Variants in GRB2 observed in about 807,000 individuals in gnomAD.
The protein encoded by GRB2 is growth factor receptor bound protein 2, also known as growth factor receptor-bound protein 2.
GRB2 carries 2 observed loss-of-function variants against 27.4 expected under a neutral mutation model. The ratio of observed to expected loss-of-function variants is 0.07; its 90% CI spans 0.03 to 0.23. GRB2 has a LOEUF of 0.23. GRB2 is among the 10% of genes least tolerant of loss of function. The pLI, the probability that GRB2 is intolerant of heterozygous loss-of-function variation, is 1.00. For missense variants in GRB2, 102 were observed against 282.4 expected (o/e 0.36, Z 4.58); for synonymous variants, 94 against 99.6 (o/e 0.94, Z 0.33).
At chr17:75,356,767 C>G (rs572756964) in intron 2 of GRB2, among the ~76,000 whole-genome samples, 1 of 152,280 alleles carries the variant, frequency 6.6e-6, no homozygotes, top group Non-Finnish European at 1.5e-5. Flanking sequence ...CAGGGCAAAA[C>G]AGAAGTGATC....
chr17:75,385,306 G>A (rs1366389530), intron 2 of GRB2, among the ~76,000 whole-genome samples: 3 of 152,200 alleles, frequency 2.0e-5, no homozygotes, highest in South Asian at 2.1e-4. Context: ...GGAGGCTGAG[G>A]CAGGCATATT....
Position 75,393,709 on chromosome 17 carries a change from T to C in GRB2, c.-81A>G. 9.0e-7 allele frequency: 1 copy of C among 1,106,544 alleles called. No individual in the cohort carries two copies. The highest frequency in any genetic ancestry group is 1.5e-5 in the African/African-American group (1 of 65,254). The allele number at this position is 1,106,544 out of a possible 1,614,324, so 68.5% of individuals were successfully genotyped here. On this transcript the variant is annotated 5_prime_UTR_variant, in exon 2 of 6. Coordinates refer to ENST00000316804, the MANE Select transcript of GRB2 (RefSeq NM_002086.5). ...GCTGAAGCAACCCAGCGCTCTGGGC[T>C]TAGCCTCGCCTCTCTTCTGGGACTC... is the stretch of plus-strand genomic sequence containing the variant.
chr17:75,398,575 C>A (rs547332619), intron 1 of GRB2, among the ~76,000 whole-genome samples: 70 of 151,594 alleles, frequency 4.6e-4, no homozygotes, highest in African/African-American at 1.6e-3. Context: ...GACTTTTTAC[C>A]CTACCCGGTG....
At chr17:75,391,601 G>A (rs1187912528) in intron 2 of GRB2, among the ~76,000 whole-genome samples, 1 of 152,134 alleles carries the variant, frequency 6.6e-6, no homozygotes, top group African/African-American at 2.4e-5. Context: ...GAGGTCAGGA[G>A]ATTGAGATCA....
At chr17:75,353,325 T>A (rs1009783865) in intron 2 of GRB2, among the ~76,000 whole-genome samples, 1 of 152,180 alleles carries the variant, frequency 6.6e-6, no homozygotes, top group Non-Finnish European at 1.5e-5. Context: ...CTGTGAATAC[T>A]GTCTTTTTGA....
Position 75,357,663 on chromosome 17 carries a change from G to A in GRB2, c.79-24866C>T, listed in dbSNP as rs535243113. Reference sequence around the variant, plus strand: ...AGGCCAGGAGCAGTGGTGCACGTCTGTAATCCTAGCACTTTGGGAGGCCGA... The same window carrying A: ...AGGCCAGGAGCAGTGGTGCACGTCTATAATCCTAGCACTTTGGGAGGCCGA... On this transcript the variant is annotated intron_variant, in intron 2 of 5. Transcript: ENST00000316804. 3.3e-5 allele frequency among the ~76,000 whole-genome samples: 5 copies of A among 152,282 alleles called. No individual in the cohort carries two copies. The East Asian group carries it at 9.7e-4, about 29-fold the overall frequency.
At chr17:75,328,300 G>C (rs957393781) in intron 3 of GRB2, among the ~76,000 whole-genome samples, 1 of 151,472 alleles carries the variant, frequency 6.6e-6, no homozygotes, top group African/African-American at 2.4e-5. Flanking sequence ...CTCCAGCCTG[G>C]GCGAAAGAGT....
chr17:75,324,547 T>TTTGCTC (rs2078486041), intron 4 of GRB2, among the ~76,000 whole-genome samples: 1 of 137,874 alleles, frequency 7.3e-6, no homozygotes, highest in African/African-American at 2.9e-5. Flanking sequence ...GAGACAGAGT[T>TTTGCTC]TTGCTCTTCG....
intron 2 of GRB2, among the ~76,000 whole-genome samples, chr17:75,349,571 T>C (rs139250418): frequency 5.1e-4 from 75 of 148,300 alleles, no homozygotes; most frequent in African/African-American, 1.7e-3. Flanking sequence ...ACTGCAGTGA[T>C]GCGATCTTGG....
intron 4 of GRB2, among the ~76,000 whole-genome samples, chr17:75,325,360 A>G (rs1450604056): frequency 6.6e-6 from 1 of 152,178 alleles, no homozygotes; most frequent in Non-Finnish European, 1.5e-5. Flanking sequence ...GCTGGTTTCT[A>G]TTCTCCACAC....
chr17:75,343,414 T>A (rs1187756486), intron 2 of GRB2, among the ~76,000 whole-genome samples: 1 of 152,194 alleles, frequency 6.6e-6, no homozygotes, highest in Non-Finnish European at 1.5e-5. Flanking sequence ...CCAGGACTAT[T>A]CATGTATTAA....
intron 1 of GRB2, among the ~76,000 whole-genome samples, chr17:75,400,965 AT>A (rs35284165): frequency 2.2e-3 from 316 of 142,192 alleles, no homozygotes; most frequent in South Asian, 3.8e-3. Flanking sequence ...GGATATATCA[AT>A]TTTTTTTTTT....
intron 2 of GRB2, among the ~76,000 whole-genome samples, chr17:75,390,785 T>C (rs940722877): frequency 9.2e-5 from 14 of 152,162 alleles, no homozygotes; most frequent in East Asian, 1.9e-4. Flanking sequence ...TTCTGAACTA[T>C]AGACAGAGGA....
At chr17:75,325,816 T>G in intron 4 of GRB2, 82 bp downstream of exon 4, 3 of 1,395,798 alleles carry the variant, frequency 2.1e-6, no homozygotes, top group Non-Finnish European at 3.0e-6. Context: ...ATTTTGTGTG[T>G]AGCCAGGCAC....
At chr17:75,403,318 T>C (rs1363921116) in intron 1 of GRB2, among the ~76,000 whole-genome samples, 1 of 151,942 alleles carries the variant, frequency 6.6e-6, no homozygotes. Context: ...TCCTCTTCTG[T>C]TGTATGTGTA....
At chr17:75,367,077 C>A (rs1378509452) in intron 2 of GRB2, among the ~76,000 whole-genome samples, 1 of 152,068 alleles carries the variant, frequency 6.6e-6, no homozygotes, top group Non-Finnish European at 1.5e-5. Flanking sequence ...TCTTACGAGG[C>A]ACAAATAAAA....
At chr17:75,364,588 C>T (rs1315293278) in intron 2 of GRB2, among the ~76,000 whole-genome samples, 1 of 152,030 alleles carries the variant, frequency 6.6e-6, no homozygotes, top group Non-Finnish European at 1.5e-5. Flanking sequence ...ACTTCCCTCC[C>T]TGTGTTGTTT....
chr17:75,327,660 C>T (rs542391898), intron 3 of GRB2, among the ~76,000 whole-genome samples: 2 of 152,070 alleles, frequency 1.3e-5, no homozygotes, highest in Non-Finnish European at 1.5e-5. Flanking sequence ...CGAGCCACCA[C>T]GCCCGGCTAA....
intron 2 of GRB2, among the ~76,000 whole-genome samples, chr17:75,347,449 T>A (rs1036602143): frequency 6.6e-6 from 1 of 152,104 alleles, no homozygotes; most frequent in African/African-American, 2.4e-5. Flanking sequence ...TAGCCTTTCT[T>A]TGCATGCCCA....
Sources: allele counts gnomAD v4.1 joint callset (sites outside exome capture counted in the v4.1 genomes callset), GRCh38; gene constraint gnomAD v4.1.1; transcripts MANE v1.5; gene names NCBI Gene and HGNC (gene_info 2026-07-23, HGNC 2026-07-21).